Variants in CFAP299 observed in about 807,000 individuals in gnomAD.
CFAP299 encodes the protein cilia- and flagella-associated protein 299.
CFAP299 carries 21 observed loss-of-function variants against 27.0 expected under a neutral mutation model. That is an observed-to-expected ratio of 0.78 (90% CI 0.55 to 1.12). The LOEUF (loss-of-function observed/expected upper bound fraction) is 1.12, where lower values mean the gene tolerates loss of function less well. CFAP299 is among the 50% of genes most tolerant of loss of function. CFAP299 has a pLI of 0.00. For synonymous variants in CFAP299, 104 were observed against 98.1 expected (o/e 1.06, Z -0.36); for missense variants, 310 against 276.6 (o/e 1.12, Z -0.86).
intron 3 of CFAP299, among the ~76,000 whole-genome samples, chr4:80,633,861 C>A (rs1250709690): frequency 6.6e-6 from 1 of 151,676 alleles, no homozygotes; most frequent in Admixed American, 6.6e-5. Context: ...AGAACCTTTT[C>A]TTTACATGGT....
In CFAP299 at chr4:80,915,325, G is replaced by A. The variant is rs75346308; in HGVS notation, c.477-29485G>A. Among the ~76,000 whole-genome samples, 1,179 of 151,852 alleles carry A rather than the reference G, an allele frequency of 7.8e-3. 3 individuals carry two copies. Among genetic ancestry groups the A allele is most frequent in the Middle Eastern group, 0.014 (4 of 294 alleles). ...GATGTCACTGAATTTTCTCTAGCTT[G>A]CGTAGTTTCTGATGGATACCTTTTG... On this transcript the variant is annotated intron_variant, in intron 4 of 5. Transcript: ENST00000358105.
intron 2 of CFAP299, among the ~76,000 whole-genome samples, chr4:80,490,360 T>C (rs1200078841): frequency 6.6e-6 from 1 of 152,238 alleles, no homozygotes; most frequent in Non-Finnish European, 1.5e-5. Context: ...TTTCGAGCTA[T>C]TCTTTAAATA....
chr4:80,866,060 TATATATATATATATATATATATATA>T (rs1560453992), intron 3 of CFAP299, among the ~76,000 whole-genome samples: 1 of 5,438 alleles, frequency 1.8e-4, no homozygotes, highest in East Asian at 3.6e-3. Context: ...CTTAAAGTAT[TATATATATATATATATATATATATA>T]TATATATATA....
At chr4:80,496,744 C>A (rs1477664245) in intron 2 of CFAP299, among the ~76,000 whole-genome samples, 2 of 152,056 alleles carry the variant, frequency 1.3e-5, no homozygotes, top group African/African-American at 4.8e-5. Context: ...CTGGGTAATT[C>A]ATAAAGAAAA....
chr4:80,579,499 C>T (rs1736059473), intron 2 of CFAP299, among the ~76,000 whole-genome samples: 1 of 152,092 alleles, frequency 6.6e-6, no homozygotes, highest in African/African-American at 2.4e-5. Flanking sequence ...TGCCTATTAC[C>T]TTATTTTCTT....
chr4:80,804,686 A>G (rs1384346735), intron 3 of CFAP299, among the ~76,000 whole-genome samples: 5 of 152,150 alleles, frequency 3.3e-5, no homozygotes, highest in African/African-American at 1.2e-4. Flanking sequence ...ATATTTGTAT[A>G]GCTACCCTCC....
In CFAP299 at chr4:80,862,935, A is replaced by G. The variant is rs370762376; in HGVS notation, c.334-7058A>G. On this transcript the variant is annotated intron_variant, in intron 3 of 5. Coordinates refer to ENST00000358105, the MANE Select transcript of CFAP299 (RefSeq NM_152770.3). ...GGGCATTTCTAAATGTTAGAAAACA[A>G]TAGTTGATTCGCAGAGAACTTAGGC... Among the ~76,000 whole-genome samples, 577 of 152,312 alleles carry G rather than the reference A, an allele frequency of 3.8e-3. 1 individual carries two copies. Among genetic ancestry groups the G allele is most frequent in the Middle Eastern group, 0.014 (4 of 294 alleles).
At chr4:80,745,941 T>C (rs1390325009) in intron 3 of CFAP299, among the ~76,000 whole-genome samples, 2 of 152,104 alleles carry the variant, frequency 1.3e-5, no homozygotes, top group Non-Finnish European at 2.9e-5. Context: ...GACGTGTTTC[T>C]TGAGATAAGA....
At chr4:80,887,691 A>G (rs1434036795) in intron 4 of CFAP299, among the ~76,000 whole-genome samples, 1 of 152,174 alleles carries the variant, frequency 6.6e-6, no homozygotes, top group East Asian at 1.9e-4. Context: ...GAATTATGTA[A>G]CACTGTAATT....
intron 3 of CFAP299, among the ~76,000 whole-genome samples, chr4:80,770,094 T>C (rs1726125163): frequency 6.6e-6 from 1 of 152,182 alleles, no homozygotes; most frequent in Non-Finnish European, 1.5e-5. Context: ...CAAACTTCTT[T>C]CTTTGCACTT....
chr4:80,539,668 C>T (rs1457695078), intron 2 of CFAP299, among the ~76,000 whole-genome samples: 1 of 152,108 alleles, frequency 6.6e-6, no homozygotes, highest in Non-Finnish European at 1.5e-5. Context: ...CATACTACTG[C>T]TAAAGCTGGA....
chr4:80,541,718 C>A lies in CFAP299; in HGVS notation c.243-41375C>A, dbSNP rs983139903. Among the ~76,000 whole-genome samples, 4 of 152,120 alleles carry A rather than the reference C, an allele frequency of 2.6e-5. 1 individual carries two copies. The highest frequency in any genetic ancestry group is 5.9e-5 in the Non-Finnish European group (4 of 68,030). On this transcript the variant is annotated intron_variant, in intron 2 of 5. Transcript: ENST00000358105. ...TACAGAGTTCAGCAAGATATTCTTG[C>A]TCTCACTAGATTCAGCTTAGTGAGG...
At chr4:80,438,114 A>G (rs1728181109) in intron 2 of CFAP299, among the ~76,000 whole-genome samples, 1 of 152,356 alleles carries the variant, frequency 6.6e-6, no homozygotes, top group Middle Eastern at 3.4e-3. Context: ...AATATGGAAT[A>G]TGTTAGATGG....
chr4:80,461,805 C>T (rs529744609), intron 2 of CFAP299, among the ~76,000 whole-genome samples: 41 of 152,250 alleles, frequency 2.7e-4, no homozygotes, highest in Non-Finnish European at 5.0e-4. Context: ...TATTATTTTG[C>T]ACTTCACTAT....
At chr4:80,483,146 C>T (rs1182824652) in intron 2 of CFAP299, among the ~76,000 whole-genome samples, 1 of 152,166 alleles carries the variant, frequency 6.6e-6, no homozygotes, top group Non-Finnish European at 1.5e-5. Flanking sequence ...GAAAAAGAGG[C>T]CAGGGTTGTT....
intron 1 of CFAP299, among the ~76,000 whole-genome samples, chr4:80,348,808 C>A (rs1412048647): frequency 6.6e-6 from 1 of 152,208 alleles, no homozygotes; most frequent in African/African-American, 2.4e-5. Context: ...AATATAGCAG[C>A]AAACACATGT....
chr4:80,440,325 GC>G (rs34391168), intron 2 of CFAP299, among the ~76,000 whole-genome samples: 97,250 of 151,968 alleles, frequency 0.64, 33,811 homozygotes, highest in Non-Finnish European at 0.76. Flanking sequence ...TCTGGCGGGT[GC>G]CCCTCTGGGA....
At chr4:80,740,940 T>A (rs1281436396) in intron 3 of CFAP299, among the ~76,000 whole-genome samples, 2 of 152,288 alleles carry the variant, frequency 1.3e-5, no homozygotes, top group Middle Eastern at 6.8e-3. Context: ...TTCAGGGCTG[T>A]CAGGTCCCCT....
intron 2 of CFAP299, among the ~76,000 whole-genome samples, chr4:80,562,395 C>T (rs553769982): frequency 9.9e-5 from 15 of 151,932 alleles, no homozygotes; most frequent in African/African-American, 2.4e-4. Flanking sequence ...GTCAAGAGTT[C>T]GAGACTAGCC....
Sources: allele counts gnomAD v4.1 joint callset (sites outside exome capture counted in the v4.1 genomes callset), GRCh38; gene constraint gnomAD v4.1.1; transcripts MANE v1.5; gene names NCBI Gene and HGNC (gene_info 2026-07-23, HGNC 2026-07-21).